The following DNAJC14 variants were observed in gnomAD, a reference collection of about 807,000 sequenced individuals.
The protein encoded by DNAJC14 is dnaJ homolog subfamily C member 14.
DNAJC14 carries 12 observed loss-of-function variants against 68.8 expected under a neutral mutation model. That is an observed-to-expected ratio of 0.17 (90% CI 0.11 to 0.28). The LOEUF is 0.28. Ranked by LOEUF, DNAJC14 falls within the 10% of genes least tolerant of loss-of-function variation. DNAJC14 has a pLI of 1.00. For synonymous variants in DNAJC14, 350 were observed against 321.5 expected (o/e 1.09, Z -0.95); for missense variants, 764 against 875.6 (o/e 0.87, Z 1.61).
In DNAJC14 at chr12:55,828,093, C is replaced by A; in HGVS notation, c.566G>T (p.Gly189Val). ...FPSDFSRVSS[G>V]KKPPSRRQRH... is the part of the protein sequence containing the mutation. Reference sequence around the variant, plus strand: ...CTGTCTCCGGGATGGGGGTTTCTTTCCGCTGGACACACGTGAAAAATCACT... The same window carrying A: ...CTGTCTCCGGGATGGGGGTTTCTTTACGCTGGACACACGTGAAAAATCACT... Residue 189 changes from glycine to valine, a missense_variant, in exon 2 of 7, where the codon GGA (glycine) becomes GTA (valine). Coordinates refer to ENST00000678005, the MANE Select transcript of DNAJC14 (RefSeq NM_032364.6). 1.2e-6 allele frequency: 2 copies of A among 1,601,602 alleles called. No individual in the cohort carries two copies. The highest frequency in any genetic ancestry group is 1.7e-5 in the Admixed American group (1 of 57,712).
At chr12:55,822,283 A>G in intron 6 of DNAJC14, 90 bp downstream of exon 6, 2 of 1,535,652 alleles carry the variant, frequency 1.3e-6, no homozygotes, top group Non-Finnish European at 1.8e-6. Flanking sequence ...CCTAGAAAAC[A>G]AGGCCCCTGG....
At chr12:55,827,116 A>C in intron 2 of DNAJC14, 136 bp downstream of exon 2, 1 of 875,686 alleles carries the variant, frequency 1.1e-6, no homozygotes, top group Non-Finnish European at 1.6e-6. Flanking sequence ...GCTTGAACCC[A>C]GGAGGCGGAG....
Position 55,828,492 on chromosome 12 carries a change from T to A in DNAJC14, c.167A>T (p.His56Leu). The A allele has an allele frequency of 6.2e-7, 1 of 1,613,982 alleles. No individual in the cohort carries two copies. Among genetic ancestry groups the A allele is most frequent in the South Asian group, 1.1e-5 (1 of 91,076 alleles). The change falls in exon 2 of 7, where the codon CAC (histidine) becomes CTC (leucine). Residue 56 changes from histidine (H) to leucine (L), a missense_variant. His to Leu is a moderately conservative substitution (Grantham distance 99, BLOSUM62 -3). Around this residue, in one of 4 missense-constraint regions of DNAJC14, gnomAD observed 514 missense variants for 521.7 expected, o/e 0.99. Transcript: ENST00000678005. ...APNGTRCLTE[H>L]SGPKHTQHPN... ...GTGCTGTGTGTGCTTAGGACCAGAG[T>A]GCTCTGTGAGGCAGCGGGTACCATT...
rs766219836 is a variant in DNAJC14 at position 55,823,137 on chromosome 12, T to G, written c.1567A>C (p.Lys523Gln). Residue 523 changes from lysine to glutamine, a missense_variant, in exon 4 of 7, where the codon AAG becomes CAG. Coordinates refer to ENST00000678005, the MANE Select transcript of DNAJC14 (RefSeq NM_032364.6). ...LSRSVNEFLS[K>Q]LQDDLKEAMN... ...GCCTCCTTGAGGTCATCTTGCAGCTTGGACAGAAACTCATTTACTGACCGG... is the reference window on the plus strand; with the variant it reads ...GCCTCCTTGAGGTCATCTTGCAGCTGGGACAGAAACTCATTTACTGACCGG... 1 of 1,614,212 alleles carries G rather than the reference T, an allele frequency of 6.2e-7. No homozygotes were observed. Among genetic ancestry groups the G allele is most frequent in the Non-Finnish European group, 8.5e-7 (1 of 1,180,036 alleles).
chr12:55,822,289 C>A, intron 6 of DNAJC14, 84 bp downstream of exon 6: 1 of 1,548,944 alleles, frequency 6.5e-7, no homozygotes, highest in Non-Finnish European at 8.7e-7. Flanking sequence ...AAACAAGGCC[C>A]CTGGGTGTCC....
intron 6 of DNAJC14, 27 bp from the exon 7 acceptor site, chr12:55,822,214 A>C (rs780832995): frequency 4.5e-6 from 7 of 1,554,130 alleles, no homozygotes; most frequent in Middle Eastern, 2.3e-4. Flanking sequence ...GAAATAAGGC[A>C]AGAGATGTTA....
upstream of DNAJC14, chr12:55,829,630 A>G: frequency 1.0e-6 from 1 of 983,390 alleles, no homozygotes; most frequent in Non-Finnish European, 1.2e-6. Flanking sequence ...ACCTGGGCCT[A>G]CTTCCACTTC....
rs751993312 is a variant in DNAJC14 at position 55,828,067 on chromosome 12, G to C, written c.592C>G (p.Arg198Gly). ...TCCTCCTTCGTTGGAAAGCGGTGCCGCTGTCTCCGGGATGGGGGTTTCTTT... is the reference window on the plus strand; with the variant it reads ...TCCTCCTTCGTTGGAAAGCGGTGCCCCTGTCTCCGGGATGGGGGTTTCTTT... ...SGKKPPSRRQ[R>G]HRFPTKEDTR... Residue 198 changes from arginine to glycine, a missense_variant, in exon 2 of 7, where the codon CGG becomes GGG. Transcript: ENST00000678005. 2 of 1,607,442 alleles carry C rather than the reference G, an allele frequency of 1.2e-6. No individual in the cohort carries two copies. Among genetic ancestry groups the C allele is most frequent in the South Asian group, 1.1e-5 (1 of 90,148 alleles).
chr12:55,827,667 A>G lies in DNAJC14; in HGVS notation c.992T>C (p.Leu331Pro). Residue 331 changes from leucine (L) to proline (P), a missense_variant, in exon 2 of 7, where the codon CTG (leucine) becomes CCG (proline). Physicochemically the swap from Leu to Pro is moderately conservative, Grantham distance 98. Coordinates refer to ENST00000678005, the MANE Select transcript of DNAJC14 (RefSeq NM_032364.6). Reference sequence around the variant, plus strand: ...CAAAAAGAGGGCCAGAGCCAGGAGCAGCAAAGCACCCAGCAGCTTAAGAAA... The same window carrying G: ...CAAAAAGAGGGCCAGAGCCAGGAGCGGCAAAGCACCCAGCAGCTTAAGAAA... ...TRFLKLLGAL[L>P]LLALALFLGF... 6.2e-7 allele frequency: 1 copy of G among 1,613,780 alleles called. No individual in the cohort carries two copies. Among genetic ancestry groups the G allele is most frequent in the African/African-American group, 1.3e-5 (1 of 75,018 alleles).
At chr12:55,824,509 A>G (rs1004902316) in intron 2 of DNAJC14, among the ~76,000 whole-genome samples, 2 of 152,138 alleles carry the variant, frequency 1.3e-5, no homozygotes, top group Non-Finnish European at 2.9e-5. Flanking sequence ...AATAACTAAA[A>G]TGCTGTCAAA....
At chr12:55,824,381 G>A (rs1348832522) in intron 2 of DNAJC14, among the ~76,000 whole-genome samples, 2 of 152,246 alleles carry the variant, frequency 1.3e-5, no homozygotes, top group Admixed American at 1.3e-4. Flanking sequence ...GAGACTTTAT[G>A]TACTTTTCAG....
In DNAJC14 at chr12:55,827,344, C is replaced by T. The variant is rs1565690045; in HGVS notation, c.1315G>A (p.Glu439Lys). 2 of 1,613,276 alleles carry T rather than the reference C, an allele frequency of 1.2e-6. No homozygotes were observed. The highest frequency in any genetic ancestry group is 1.7e-6 in the Non-Finnish European group (2 of 1,179,680). Residue 439 changes from glutamate to lysine, a missense_variant, in exon 2 of 7, where the codon GAG becomes AAG. Transcript: ENST00000678005. ...ACATGGAAAGGGTTTAGCTCATCCT[C>T]AGGAACCCCAGCCATGGTCAAGAGT... ...ARLLTMAGVP[E>K]DELNPFHVLG...
Position 55,828,482 on chromosome 12 carries a change from A to G in DNAJC14, c.177T>C (p.Pro59=), listed in dbSNP as rs746384927. 6.2e-7 allele frequency: 1 copy of G among 1,614,136 alleles called. No homozygotes were observed. Among genetic ancestry groups the G allele is most frequent in the Non-Finnish European group, 8.5e-7 (1 of 1,180,010 alleles). The change falls in exon 2 of 7, where the codon CCT becomes CCC. Residue 59 remains proline (P), a synonymous_variant. Transcript: ENST00000678005. ...CTGGGTTTGGGTGCTGTGTGTGCTT[A>G]GGACCAGAGTGCTCTGTGAGGCAGC... ...GTRCLTEHSG[P]KHTQHPNPAH... is the part of the protein sequence containing the mutation.
At chr12:55,824,840 T>C (rs1038646253) in intron 2 of DNAJC14, among the ~76,000 whole-genome samples, 4 of 152,050 alleles carry the variant, frequency 2.6e-5, no homozygotes, top group Non-Finnish European at 5.9e-5. Context: ...ACTCTAAGAA[T>C]ACAGCAGAAG....
At position 55,823,453 on chromosome 12, in the gene DNAJC14, C is replaced by T. The variant is rs1354160758; in HGVS notation, c.1463G>A (p.Arg488Gln). 9.9e-6 allele frequency: 16 copies of T among 1,614,042 alleles called. 1 individual carries two copies. The South Asian group carries it at 1.5e-4, about 16-fold the overall frequency. ...ATTGCTGACAATGTCCCAAGCTGCT[C>T]GCAAAACCTTGAAGGCCTCCTCAGC... ...PRAEEAFKVL[R>Q]AAWDIVSNAE... is the part of the protein sequence containing the mutation. Residue 488 changes from arginine to glutamine, a missense_variant, in exon 3 of 7, where the codon CGA becomes CAA. Physicochemically the swap from Arg to Gln is conservative, Grantham distance 43. This residue lies in a region of DNAJC14 where 110 missense variants were observed against 162.7 expected (regional missense o/e 0.68). Transcript: ENST00000678005.
In DNAJC14 at chr12:55,821,562, A is replaced by T. The variant is rs1880666427; in HGVS notation, c.*415T>A. The T allele has an allele frequency of 6.5e-6, 1 of 154,830 alleles. No individual in the cohort carries two copies. Among genetic ancestry groups the T allele is most frequent in the Non-Finnish European group, 1.4e-5 (1 of 69,648 alleles). 9.6% of individuals were successfully genotyped at this position (154,830 alleles called of 1,614,324 possible). A position where few individuals can be genotyped will look rare whatever the true frequency, so the allele number is the denominator to read the frequency against. On this transcript the variant is annotated 3_prime_UTR_variant, in exon 7 of 7. Transcript: ENST00000678005. ...TTCTTTGGTATTGTCAAAAGACAAG[A>T]TTCAGGCCGGGCACAGTGGCTTATG...
intron 2 of DNAJC14, among the ~76,000 whole-genome samples, chr12:55,825,905 A>G (rs1880782756): frequency 6.6e-6 from 1 of 151,932 alleles, no homozygotes. Flanking sequence ...ATATGCATAC[A>G]CCTCCATTTT....
intron 2 of DNAJC14, among the ~76,000 whole-genome samples, chr12:55,823,789 C>A (rs931310357): frequency 6.7e-6 from 1 of 150,366 alleles, no homozygotes; most frequent in Admixed American, 6.7e-5. Flanking sequence ...ACTGTAACCT[C>A]CACCTCCCAG....
At chr12:55,829,054 G>A in intron 1 of DNAJC14, 1 of 980,816 alleles carries the variant, frequency 1.0e-6, no homozygotes, top group Non-Finnish European at 1.2e-6. Flanking sequence ...CAGACTTCCA[G>A]TAATGGGTGG....
Sources: gnomAD v4.1 joint callset for allele counts (sites outside exome capture counted in the v4.1 genomes callset) on GRCh38, gnomAD v4.1.1 for gene constraint, gnomAD v4.1.1 regional missense constraint, MANE v1.5 for transcripts, NCBI Gene and HGNC (gene_info 2026-07-23, HGNC 2026-07-21) for gene names.